CHODL: variants seen among roughly 807,000 people sequenced by gnomAD.
The protein encoded by CHODL is chondrolectin.
In CHODL, 29 loss-of-function variants were observed where a neutral mutation model predicts 34.5. The ratio of observed to expected loss-of-function variants is 0.84; its 90% CI spans 0.63 to 1.15. The LOEUF is 1.15. Ranked by LOEUF, CHODL falls within the 50% of genes most tolerant of loss-of-function variation. CHODL has a pLI of 0.00. For missense variants in CHODL, 332 were observed against 332.5 expected (o/e 1.00, Z 0.01); for synonymous variants, 125 against 116.1 (o/e 1.08, Z -0.49).
intron 4 of CHODL, among the ~76,000 whole-genome samples, chr21:18,260,736 C>A (rs1451765309): frequency 1.3e-5 from 2 of 152,092 alleles, no homozygotes; most frequent in African/African-American, 4.8e-5. Flanking sequence ...TCACCTGAGT[C>A]TGGGAAGTCG....
chr21:17,928,690 C>T (rs532374526), intron 1 of CHODL, among the ~76,000 whole-genome samples: 6 of 152,160 alleles, frequency 3.9e-5, no homozygotes, highest in African/African-American at 1.4e-4. Flanking sequence ...AGCCATGTTT[C>T]CAGATAATTA....
rs571085311 is a variant in CHODL at position 18,010,413 on chromosome 21, T to C, written c.-144-17459T>C. Among the ~76,000 whole-genome samples, 8 of 152,004 alleles carry C rather than the reference T, an allele frequency of 5.3e-5. No homozygotes were observed. In the South Asian group the frequency reaches 1.7e-3, roughly 32 times the overall value. ...AGCAAATGACTGGAGAAGTTTCACC[T>C]GGCTGTGAAGATCTGTAGCCAGAAC... On this transcript the variant is annotated intron_variant, in intron 1 of 6. Coordinates refer to the CHODL transcript ENST00000400127.
chr21:18,063,058 A>G (rs1223310068), intron 2 of CHODL, among the ~76,000 whole-genome samples: 2 of 152,218 alleles, frequency 1.3e-5, no homozygotes, highest in Non-Finnish European at 2.9e-5. Flanking sequence ...TCCAAAAATG[A>G]TGGCTGAGCT....
In CHODL at chr21:18,256,606, G is replaced by A. The variant is rs1353174186; in HGVS notation, c.177G>A (p.Leu59=). 6.2e-7 allele frequency: 1 copy of A among 1,613,940 alleles called. No homozygotes were observed. The highest frequency in any genetic ancestry group is 1.7e-5 in the Admixed American group (1 of 59,976). ...GAGTGAGCTTTCAGGAGGCACGCCT[G>A]GCTTGTGAGAGTGAGGGAGGAGTCC... The part of the protein sequence containing the change: ...SSRVSFQEAR[L]ACESEGGVLL... The change falls in exon 2 of 6, where the codon CTG becomes CTA. Residue 59 remains leucine (L), a synonymous_variant. Transcript: ENST00000299295.
At position 18,248,656 on chromosome 21, in the gene CHODL, CAT is replaced by C. The variant is rs35249596; in HGVS notation, c.79+3361_79+3362del. ...AATACATATATGTATATATTATATA[CAT>C]ATATATGTATAATACATATATGTAT... is the stretch of plus-strand genomic sequence containing the variant. On this transcript the variant is annotated intron_variant, in intron 1 of 5. Transcript: ENST00000299295. 9.2e-3 allele frequency among the ~76,000 whole-genome samples: 1,040 copies of C among 112,516 alleles called. 21 individuals carry two copies. The highest frequency in any genetic ancestry group is 0.041 in the African/African-American group (996 of 24,450). 73.8% of individuals were successfully genotyped at this position (112,516 alleles called of 152,430 possible).
At chr21:18,143,265 A>G (rs1320360591) in intron 2 of CHODL, among the ~76,000 whole-genome samples, 2 of 152,164 alleles carry the variant, frequency 1.3e-5, no homozygotes, top group Non-Finnish European at 2.9e-5. Context: ...GAACACTATA[A>G]CCATGTATAT....
intron 2 of CHODL, among the ~76,000 whole-genome samples, chr21:18,129,273 T>A (rs1236555095): frequency 6.6e-6 from 1 of 152,138 alleles, no homozygotes; most frequent in East Asian, 1.9e-4. Context: ...GAAGAGATTT[T>A]TTTTTTTTAA....
rs191651312 is a variant in CHODL at position 18,248,918 on chromosome 21, T to C, written c.79+3616T>C. Among the ~76,000 whole-genome samples the C allele has an allele frequency of 3.9e-3, 444 of 114,992 alleles. 7 individuals carry two copies. The highest frequency in any genetic ancestry group is 0.03 in the Admixed American group (279 of 9,330). 75.4% of individuals were successfully genotyped at this position (114,992 alleles called of 152,430 possible). ...ATAATACATATATATGTATAATACA[T>C]ATATATGTATACATATATATTATGT... On this transcript the variant is annotated intron_variant, in intron 1 of 5. Coordinates refer to ENST00000299295, the MANE Select transcript of CHODL (RefSeq NM_024944.3).
rs1374306151 is a variant in CHODL, at chr21:18,266,706, T to TTTAC, written c.*672_*675dup. 22 of 152,848 alleles carry TTTAC rather than the reference T, an allele frequency of 1.4e-4. No individual in the cohort carries two copies. The highest frequency in any genetic ancestry group is 5.3e-4 in the African/African-American group (22 of 41,546). The allele number at this position is 152,848 out of a possible 1,614,324, so 9.5% of individuals were successfully genotyped here. ...GTGTGATATAAACCTCCTCAAACAT[T>TTTAC]TTACTTAGAGGCAAGGATTGTCTAA... On this transcript the variant is annotated 3_prime_UTR_variant, in exon 6 of 6. Transcript: ENST00000299295.
intron 1 of CHODL, among the ~76,000 whole-genome samples, chr21:17,937,917 C>T (rs1025394599): frequency 5.3e-5 from 8 of 152,052 alleles, no homozygotes; most frequent in Non-Finnish European, 1.0e-4. Context: ...AACAAGGTAC[C>T]TGTCTTTGAT....
chr21:18,040,833 T>C (rs977795023), intron 2 of CHODL, among the ~76,000 whole-genome samples: 2 of 151,888 alleles, frequency 1.3e-5, no homozygotes, highest in Admixed American at 1.3e-4. Context: ...TGATATACTT[T>C]AATTAGAGAA....
intron 1 of CHODL, among the ~76,000 whole-genome samples, chr21:17,925,666 G>A (rs539755384): frequency 1.3e-5 from 2 of 152,090 alleles, no homozygotes; most frequent in African/African-American, 2.4e-5. Flanking sequence ...ATTCGCCTGC[G>A]AGTAAAAGGA....
intron 2 of CHODL, among the ~76,000 whole-genome samples, chr21:18,185,017 AT>A (rs2073424410): frequency 1.3e-5 from 2 of 151,450 alleles, no homozygotes; most frequent in Admixed American, 6.6e-5. Context: ...TTTTTGTTTT[AT>A]TTTTATTTTT....
At chr21:18,134,181 C>T (rs2072692445) in intron 2 of CHODL, among the ~76,000 whole-genome samples, 2 of 152,186 alleles carry the variant, frequency 1.3e-5, no homozygotes, top group South Asian at 4.1e-4. Flanking sequence ...TTAAATCTTT[C>T]AGTGATTCTT....
At chr21:18,213,763 A>G (rs1269708751) in intron 2 of CHODL, among the ~76,000 whole-genome samples, 1 of 152,070 alleles carries the variant, frequency 6.6e-6, no homozygotes, top group Non-Finnish European at 1.5e-5. Flanking sequence ...ATACAAGTAT[A>G]GGGGTTTTTA....
chr21:18,187,667 C>T (rs951695920), intron 2 of CHODL, among the ~76,000 whole-genome samples: 8 of 152,152 alleles, frequency 5.3e-5, no homozygotes, highest in African/African-American at 1.7e-4. Context: ...GCCATCTATA[C>T]TCCACCTTTC....
intron 1 of CHODL, among the ~76,000 whole-genome samples, chr21:18,004,768 T>C (rs573884875): frequency 2.0e-5 from 3 of 151,862 alleles, no homozygotes; most frequent in Non-Finnish European, 2.9e-5. Context: ...ATTTTAAATA[T>C]GTAAAACAGA....
At chr21:18,044,973 G>C (rs925384868) in intron 2 of CHODL, among the ~76,000 whole-genome samples, 1 of 151,926 alleles carries the variant, frequency 6.6e-6, no homozygotes, top group African/African-American at 2.4e-5. Flanking sequence ...AGATGCATGT[G>C]GGTGAGGGAG....
Position 18,053,626 on chromosome 21 carries a change from C to A in CHODL, c.-45+25655C>A, listed in dbSNP as rs4511804. On this transcript the variant is annotated intron_variant, in intron 2 of 6. Coordinates refer to the CHODL transcript ENST00000400127. ...ACAGGAGCATATTTTGGGAGAAAAA[C>A]GGAAAATCTAGTTGTCTATATTTAT... Among the ~76,000 whole-genome samples the A allele has an allele frequency of 1.4e-3, 215 of 151,868 alleles. 1 individual carries two copies. Among genetic ancestry groups the A allele is most frequent in the Non-Finnish European group, 2.5e-3 (171 of 67,816 alleles).
Sources: allele counts gnomAD v4.1 joint callset (sites outside exome capture counted in the v4.1 genomes callset), GRCh38; gene constraint gnomAD v4.1.1; transcripts MANE v1.5; gene names NCBI Gene and HGNC (gene_info 2026-07-23, HGNC 2026-07-21).